XYLB: variants seen among roughly 807,000 people sequenced by gnomAD.
The protein encoded by XYLB is xylulose kinase.
In XYLB, 62 loss-of-function variants were observed where a neutral mutation model predicts 78.7. The observed-to-expected ratio is 0.79, with a 90% CI of 0.64 to 0.97. The LOEUF (loss-of-function observed/expected upper bound fraction) is 0.97. Ranked by LOEUF, XYLB falls within the 50% of genes least tolerant of loss-of-function variation. The pLI is 0.00. For synonymous variants in XYLB, 245 were observed against 247.4 expected (o/e 0.99, Z 0.09); for missense variants, 687 against 676.8 (o/e 1.02, Z -0.17).
intron 7 of XYLB, among the ~76,000 whole-genome samples, chr3:38,367,268 A>G (rs953892653): frequency 1.3e-5 from 2 of 152,172 alleles, no homozygotes; most frequent in African/African-American, 4.8e-5. Context: ...TTGGAAATGT[A>G]TAGGACTGGG....
chr3:38,399,353 C>T (rs1708028429), intron 17 of XYLB, among the ~76,000 whole-genome samples: 1 of 152,082 alleles, frequency 6.6e-6, no homozygotes, highest in African/African-American at 2.4e-5. Flanking sequence ...CCACTTCACC[C>T]TCCCAAAGTA....
chr3:38,379,021 T>G (rs1707010194), intron 14 of XYLB, among the ~76,000 whole-genome samples: 1 of 151,932 alleles, frequency 6.6e-6, no homozygotes, highest in Non-Finnish European at 1.5e-5. Flanking sequence ...CTGTAATGTC[T>G]CTTGACTCTC....
intron 15 of XYLB, among the ~76,000 whole-genome samples, chr3:38,382,105 G>A (rs1437796395): frequency 2.6e-5 from 4 of 152,104 alleles, no homozygotes; most frequent in South Asian, 2.1e-4. Context: ...CAAGCCAGCC[G>A]ATGCTTAGGA....
At chr3:38,386,046 T>A (rs1187834692) in intron 15 of XYLB, among the ~76,000 whole-genome samples, 1 of 152,226 alleles carries the variant, frequency 6.6e-6, no homozygotes, top group East Asian at 1.9e-4. Context: ...AAACATGAGT[T>A]CAACCCTATA....
chr3:38,427,687 A>T, the XYLB span, among the ~76,000 whole-genome samples: 1 of 152,026 alleles, frequency 6.6e-6, no homozygotes, highest in Non-Finnish European at 1.5e-5. Flanking sequence ...TCCGCCTCCC[A>T]GTTCAAGCAA....
chr3:38,427,604 C>A, the XYLB span, among the ~76,000 whole-genome samples: 1 of 151,524 alleles, frequency 6.6e-6, no homozygotes, highest in African/African-American at 2.4e-5. Context: ...CTTTTCTTTT[C>A]TTTTTTTGAG....
At position 38,365,696 on chromosome 3, in the gene XYLB, C is replaced by T; in HGVS notation, c.467C>T (p.Ala156Val). 6 of 1,613,780 alleles carry T rather than the reference C, an allele frequency of 3.7e-6. No homozygotes were observed. The highest frequency in any genetic ancestry group is 5.1e-6 in the Non-Finnish European group (6 of 1,179,952). ...CAGCTGGAGGCTGCTGTGGGTGGTG[C>T]TCAGGCTCTCAGCTGCCTCACGGGG... The part of the protein sequence containing the change: ...CRQLEAAVGG[A>V]QALSCLTGSR... The change falls in exon 6 of 19, where the codon GCT (alanine) becomes GTT (valine). Residue 156 changes from alanine to valine, a missense_variant. By Grantham distance (64) the Ala-to-Val change is moderately conservative (BLOSUM62 0). Coordinates refer to ENST00000207870, the MANE Select transcript of XYLB (RefSeq NM_005108.4).
chr3:38,397,632 A>G (rs558259388), intron 17 of XYLB, among the ~76,000 whole-genome samples: 2 of 152,042 alleles, frequency 1.3e-5, no homozygotes, highest in Non-Finnish European at 1.5e-5. Context: ...AACTCTGGGT[A>G]TTAAGGGAAG....
intron 8 of XYLB, among the ~76,000 whole-genome samples, chr3:38,369,246 G>A (rs951583895): frequency 6.6e-6 from 1 of 152,192 alleles, no homozygotes; most frequent in African/African-American, 2.4e-5. Context: ...ATCTGGAGGA[G>A]GCAACAGGGT....
At chr3:38,353,779 T>G (rs1231281480) in intron 2 of XYLB, among the ~76,000 whole-genome samples, 2 of 150,302 alleles carry the variant, frequency 1.3e-5, no homozygotes, top group Non-Finnish European at 3.0e-5. Flanking sequence ...CTCAGCTACT[T>G]GGGAGGCTGA....
chr3:38,424,479 T>C (rs994227973), downstream of XYLB, among the ~76,000 whole-genome samples: 1 of 152,244 alleles, frequency 6.6e-6, no homozygotes, highest in Non-Finnish European at 1.5e-5. Flanking sequence ...CAAAATTATT[T>C]CAATTTTTGA....
intron 4 of XYLB, among the ~76,000 whole-genome samples, chr3:38,364,307 A>G (rs1362269674): frequency 6.6e-6 from 1 of 151,522 alleles, no homozygotes; most frequent in Non-Finnish European, 1.5e-5. Context: ...CTCCAGCGCT[A>G]TCTGCTTGTC....
rs572776212 is a variant in XYLB, at chr3:38,372,889, T to C, written c.847+153T>C. ...GATGTTTGAGAATTCCAGTCCAGCC[T>C]CTTGGTGAAGCCTTCTGTGGTCATT... On this transcript the variant is annotated intron_variant, in intron 10 of 18. Coordinates refer to ENST00000207870, the MANE Select transcript of XYLB (RefSeq NM_005108.4). Among the ~76,000 whole-genome samples the C allele has an allele frequency of 2.0e-5, 3 of 152,038 alleles. No homozygotes were observed. The South Asian group carries it at 6.2e-4, about 32-fold the overall frequency.
rs767393296 is a variant in XYLB at position 38,372,662 on chromosome 3, T to G, written c.773T>G (p.Ile258Ser). 5.6e-6 allele frequency: 9 copies of G among 1,614,026 alleles called. No homozygotes were observed. Among genetic ancestry groups the G allele is most frequent in the Middle Eastern group, 1.6e-4 (1 of 6,084 alleles). Residue 258 changes from isoleucine to serine, a missense_variant, in exon 10 of 19, where the codon ATT (isoleucine) becomes AGT (serine). Coordinates refer to ENST00000207870, the MANE Select transcript of XYLB (RefSeq NM_005108.4). ...PVPSCSVVGAISSYYVQRYGF... is the reference protein window; with the variant it reads ...PVPSCSVVGASSSYYVQRYGF... ...TTTGTCCCCGTCCCTCAGGGAGCCA[T>G]TTCTTCCTACTACGTCCAGCGCTAC...
At chr3:38,405,380 A>C (rs904533967) in intron 18 of XYLB, among the ~76,000 whole-genome samples, 7 of 150,834 alleles carry the variant, frequency 4.6e-5, no homozygotes, top group Non-Finnish European at 1.0e-4. Context: ...TTAAAAAAAA[A>C]AAAAAAAAAA....
rs201092244 is a variant in XYLB at position 38,374,427 on chromosome 3, C to T, written c.848-35C>T. The T allele has an allele frequency of 7.0e-4, 1,124 of 1,613,932 alleles. 1 individual carries two copies. The highest frequency in any genetic ancestry group is 8.9e-4 in the Non-Finnish European group (1,047 of 1,179,902). Reference sequence around the variant, plus strand: ...GTTTGCTTTGTGGTTCCCATGTGGCCGCCAGCTAACCAGAAGCTCCCCTCC... The same window carrying T: ...GTTTGCTTTGTGGTTCCCATGTGGCTGCCAGCTAACCAGAAGCTCCCCTCC... On this transcript the variant is annotated intron_variant, in intron 10 of 18. Coordinates refer to ENST00000207870, the MANE Select transcript of XYLB (RefSeq NM_005108.4).
chr3:38,380,111 T>C (rs1418365786), intron 15 of XYLB, among the ~76,000 whole-genome samples: 1 of 152,182 alleles, frequency 6.6e-6, no homozygotes, highest in African/African-American at 2.4e-5. Context: ...CCTGTTACTT[T>C]GTTAACCCAT....
At chr3:38,411,547 A>AT (rs1358181337) in intron 18 of XYLB, among the ~76,000 whole-genome samples, 1 of 151,470 alleles carries the variant, frequency 6.6e-6, no homozygotes, top group African/African-American at 2.4e-5. Context: ...AATCTGGCAA[A>AT]TTTTTTGCCA....
chr3:38,450,896 A>G, the XYLB span: 10 of 152,228 alleles, frequency 6.6e-5, no homozygotes, highest in African/African-American at 2.4e-4. Flanking sequence ...CGGATGGTGG[A>G]TACACTTTTG....
Sources: gnomAD v4.1 joint callset for allele counts (sites outside exome capture counted in the v4.1 genomes callset) on GRCh38, gnomAD v4.1.1 for gene constraint, MANE v1.5 for transcripts, NCBI Gene and HGNC (gene_info 2026-07-23, HGNC 2026-07-21) for gene names.